Variants in FCHO2 observed in about 807,000 individuals in gnomAD.
The protein encoded by FCHO2 is F-BAR domain only protein 2.
A neutral mutation model predicts 114.1 loss-of-function variants in FCHO2; 43 were observed. The ratio of observed to expected loss-of-function variants is 0.38; its 90% CI spans 0.30 to 0.49. The LOEUF (loss-of-function observed/expected upper bound fraction) is 0.49, where lower values mean the gene tolerates loss of function less well. Among genes scored for constraint, FCHO2 ranks in the 20% least tolerant of loss-of-function variants. The pLI is 0.97. For missense variants in FCHO2, 807 were observed against 950.4 expected (o/e 0.85, Z 1.98); for synonymous variants, 293 against 315.2 (o/e 0.93, Z 0.75).
intron 2 of FCHO2, among the ~76,000 whole-genome samples, chr5:72,977,168 A>G (rs1194369130): frequency 6.6e-6 from 1 of 152,096 alleles, no homozygotes; most frequent in African/African-American, 2.4e-5. Context: ...GTCAAATGAT[A>G]TTTCTGGTTC....
chr5:73,032,348 G>T (rs541178581), intron 8 of FCHO2, among the ~76,000 whole-genome samples: 35 of 152,154 alleles, frequency 2.3e-4, no homozygotes, highest in African/African-American at 8.0e-4. Flanking sequence ...TATATTTTTT[G>T]ATTTGAAGTG....
chr5:73,017,132 TA>T (rs1755345078), intron 7 of FCHO2, 79 bp from the exon 8 acceptor site: 1 of 811,086 alleles, frequency 1.2e-6, no homozygotes, highest in Admixed American at 3.5e-5. Flanking sequence ...TAATTAATTT[TA>T]ATTGTCTTGT....
At chr5:72,967,033 C>T (rs1752239716) in intron 1 of FCHO2, among the ~76,000 whole-genome samples, 2 of 152,210 alleles carry the variant, frequency 1.3e-5, no homozygotes, top group South Asian at 4.1e-4. Flanking sequence ...CACCTGTAAT[C>T]CCAGCACATT....
Position 73,015,696 on chromosome 5 carries a change from T to C in FCHO2, c.671T>C (p.Ile224Thr). The change falls in exon 7 of 26, where the codon ATA (isoleucine) becomes ACA (threonine). Residue 224 changes from isoleucine to threonine, a missense_variant. Ile to Thr is a moderately conservative substitution (Grantham distance 89). Transcript: ENST00000430046. ...ATTATAGGATCCTTGTCAAATGCTA[T>C]AAAGGAAATTCATTTGCAGATAGGC... ...KEIIGSLSNA[I>T]KEIHLQIGQV... 1 of 1,580,870 alleles carries C rather than the reference T, an allele frequency of 6.3e-7. No homozygotes were observed. The highest frequency in any genetic ancestry group is 2.3e-5 in the East Asian group (1 of 43,332).
chr5:72,999,630 G>A lies in FCHO2; in HGVS notation c.496-6815G>A, dbSNP rs149747429. 1.1e-4 allele frequency among the ~76,000 whole-genome samples: 17 copies of A among 152,104 alleles called. No individual in the cohort carries two copies. The East Asian group carries it at 2.3e-3, about 21-fold the overall frequency. On this transcript the variant is annotated intron_variant, in intron 5 of 25. Transcript: ENST00000430046. Reference sequence around the variant, plus strand: ...ACTTCTGACCTCAGGTGATATGCCCGTCTCAGCCTTCCAAAGTCTGAGATC... The same window carrying A: ...ACTTCTGACCTCAGGTGATATGCCCATCTCAGCCTTCCAAAGTCTGAGATC...
Position 73,077,507 on chromosome 5 carries a change from T to C in FCHO2, c.1847+14T>C. The C allele has an allele frequency of 6.3e-7, 1 of 1,580,202 alleles. No individual in the cohort carries two copies. Among genetic ancestry groups the C allele is most frequent in the Non-Finnish European group, 8.6e-7 (1 of 1,161,930 alleles). Reference sequence around the variant, plus strand: ...GCTTGTGTTCAGGTTTGTGTACTTTTTGTTTTGAAGGTTGAAATTTCGTTT... The same window carrying C: ...GCTTGTGTTCAGGTTTGTGTACTTTCTGTTTTGAAGGTTGAAATTTCGTTT... On this transcript the variant is annotated intron_variant, in intron 21 of 25. Transcript: ENST00000430046.
chr5:72,997,708 C>G (rs780332191), intron 5 of FCHO2: 1 of 1,518,460 alleles, frequency 6.6e-7, no homozygotes. Context: ...CTTGGGATAC[C>G]GTTTGATGCC....
chr5:73,004,861 C>T (rs1754633438), intron 5 of FCHO2, among the ~76,000 whole-genome samples: 1 of 152,156 alleles, frequency 6.6e-6, no homozygotes, highest in Non-Finnish European at 1.5e-5. Context: ...TAATCTCTTA[C>T]TGTGCCTAAT....
At chr5:72,976,126 G>C (rs560444717) in intron 2 of FCHO2, among the ~76,000 whole-genome samples, 1 of 152,112 alleles carries the variant, frequency 6.6e-6, no homozygotes, top group African/African-American at 2.4e-5. Flanking sequence ...CCACATCCTT[G>C]CCAGCATTTG....
At chr5:73,087,095 C>T (rs1272559907) in intron 24 of FCHO2, among the ~76,000 whole-genome samples, 2 of 152,128 alleles carry the variant, frequency 1.3e-5, no homozygotes. Flanking sequence ...AAACAAAACA[C>T]CTCAGAAATA....
At chr5:73,077,229 T>C (rs1742942010) in intron 20 of FCHO2, 109 bp from the exon 21 acceptor site, 3 of 830,312 alleles carry the variant, frequency 3.6e-6, no homozygotes, top group African/African-American at 1.7e-5. Context: ...TACACACATA[T>C]AGGTGCGTGT....
chr5:72,974,992 G>C (rs980132909), intron 2 of FCHO2, among the ~76,000 whole-genome samples: 3 of 152,004 alleles, frequency 2.0e-5, no homozygotes, highest in Non-Finnish European at 2.9e-5. Flanking sequence ...TGAAATTCGG[G>C]GTTGAAAATT....
chr5:73,047,171 G>A (rs1317891146), intron 11 of FCHO2, among the ~76,000 whole-genome samples: 2 of 152,064 alleles, frequency 1.3e-5, no homozygotes, highest in African/African-American at 2.4e-5. Flanking sequence ...TTGTGCATGT[G>A]TTTATATGTG....
At chr5:73,061,084 G>A (rs1243532943) in intron 17 of FCHO2, among the ~76,000 whole-genome samples, 2 of 151,242 alleles carry the variant, frequency 1.3e-5, no homozygotes, top group Non-Finnish European at 2.9e-5. Flanking sequence ...GAACCCTGAT[G>A]TAGTCCGATG....
At chr5:73,051,295 AAT>A in intron 11 of FCHO2, 52 bp from the exon 12 acceptor site, 6 of 1,223,576 alleles carry the variant, frequency 4.9e-6, no homozygotes, top group Non-Finnish European at 6.9e-6. Context: ...GATAATCTCT[AAT>A]AATTTTGTAC....
intron 8 of FCHO2, among the ~76,000 whole-genome samples, chr5:73,032,371 T>A (rs567386507): frequency 8.6e-4 from 131 of 152,210 alleles, no homozygotes; most frequent in Non-Finnish European, 1.3e-3. Flanking sequence ...TTGGCATCTT[T>A]CAAAATGTGT....
At chr5:73,074,682 T>C (rs933487983) in intron 19 of FCHO2, 60 bp from the exon 20 acceptor site, 2 of 1,453,476 alleles carry the variant, frequency 1.4e-6, no homozygotes, top group Non-Finnish European at 1.9e-6. Context: ...AATCTAACTA[T>C]CTTGATATTT....
chr5:73,061,065 T>C (rs1298285899), intron 17 of FCHO2, among the ~76,000 whole-genome samples: 2 of 151,618 alleles, frequency 1.3e-5, no homozygotes, highest in Admixed American at 6.6e-5. Flanking sequence ...TGTTTTTAAA[T>C]ATTAACTCGA....
chr5:72,971,626 G>A (rs1160860586), intron 2 of FCHO2, among the ~76,000 whole-genome samples: 3 of 152,066 alleles, frequency 2.0e-5, no homozygotes, highest in African/African-American at 4.8e-5. Context: ...AGTAGGTTGT[G>A]AAAATTTTCT....
Sources: allele counts gnomAD v4.1 joint callset (sites outside exome capture counted in the v4.1 genomes callset), GRCh38; gene constraint gnomAD v4.1.1; transcripts MANE v1.5; gene names NCBI Gene and HGNC (gene_info 2026-07-23, HGNC 2026-07-21).